PLS3: variants seen among roughly 807,000 people sequenced by gnomAD.
PLS3 encodes plastin 3, also known as plastin-3.
Under a neutral mutation model 46.5 loss-of-function variants are expected in PLS3, and 11 were observed. That is an observed-to-expected ratio of 0.24 (90% CI 0.15 to 0.39). The LOEUF is 0.39. PLS3 is among the 10% of genes least tolerant of loss of function. The probability of loss-of-function intolerance (pLI) is 1.00; values close to 1 mark genes in which losing one functional copy is unlikely to be tolerated. For synonymous variants in PLS3, 167 were observed against 162.2 expected (o/e 1.03, Z -0.22); for missense variants, 308 against 461.8 (o/e 0.67, Z 3.05).
intron 1 of PLS3, among the ~76,000 whole-genome samples, chrX:115,583,997 C>T (rs1228887249): frequency 9.0e-6 from 1 of 111,144 alleles, no homozygotes; most frequent in Non-Finnish European, 1.9e-5. Context: ...TTTAGAAATT[C>T]GTTTCAATTA....
At position 115,590,093 on chromosome X, in the gene PLS3, T is replaced by A. The variant is rs142398330; in HGVS notation, c.-8-20150T>A. 8.5e-3 allele frequency among the ~76,000 whole-genome samples: 942 copies of A among 111,449 alleles called. 4 individuals carry two copies. Among genetic ancestry groups the A allele is most frequent in the South Asian group, 0.036 (94 of 2,584 alleles). On this transcript the variant is annotated intron_variant, in intron 1 of 15. Coordinates refer to ENST00000355899, the MANE Select transcript of PLS3 (RefSeq NM_005032.7). ...CTTGTCTGGAACTCCTGACCTCAGG[T>A]GATCCGCCCACCTCAGCCTCGCAAA...
At chrX:115,567,622 CAAAA>C (rs200775900) in intron 1 of PLS3, among the ~76,000 whole-genome samples, 3 of 100,434 alleles carry the variant, frequency 3.0e-5, no homozygotes, top group African/African-American at 7.2e-5. Context: ...AACAAACAAA[CAAAA>C]AAAAACAGAA....
At chrX:115,642,387 A>C (rs1187113848) in intron 9 of PLS3, among the ~76,000 whole-genome samples, 1 of 111,391 alleles carries the variant, frequency 9.0e-6, no homozygotes, top group Non-Finnish European at 1.9e-5. Context: ...GCTTCTCTTC[A>C]ATTCAAGCAA....
chrX:115,634,170 C>T, intron 6 of PLS3, 89 bp downstream of exon 6: 1 of 511,383 alleles, frequency 2.0e-6, no homozygotes, highest in Non-Finnish European at 3.4e-6. Flanking sequence ...TGTAGGCTCC[C>T]AATCAATCCT....
intron 11 of PLS3, 23 bp downstream of exon 11, chrX:115,645,122 TA>T: frequency 1.1e-6 from 1 of 945,663 alleles, no homozygotes; most frequent in Non-Finnish European, 1.5e-6. Context: ...ACTGCTATTG[TA>T]AACAGTTACG....
At chrX:115,628,176 C>T (rs1457870739) in intron 3 of PLS3, among the ~76,000 whole-genome samples, 1 of 112,261 alleles carries the variant, frequency 8.9e-6, no homozygotes, top group South Asian at 3.7e-4. Context: ...TGCTCTGACA[C>T]ATACAACCTG....
At chrX:115,615,628 G>T (rs184271791) in intron 2 of PLS3, among the ~76,000 whole-genome samples, 2 of 109,647 alleles carry the variant, frequency 1.8e-5, no homozygotes, top group Non-Finnish European at 1.9e-5. Flanking sequence ...TGGGAGCTGC[G>T]TAGTGATTTT....
intron 1 of PLS3, among the ~76,000 whole-genome samples, chrX:115,606,936 T>C (rs992027342): frequency 1.8e-5 from 2 of 111,017 alleles, no homozygotes; most frequent in African/African-American, 3.3e-5. Flanking sequence ...ATTGCAGTTC[T>C]TTTTATTCTT....
chrX:115,600,759 G>C (rs1286159396), intron 1 of PLS3, among the ~76,000 whole-genome samples: 2 of 111,511 alleles, frequency 1.8e-5, no homozygotes, highest in East Asian at 5.7e-4. Flanking sequence ...AAATTTTGTG[G>C]CAAGATTCTA....
At chrX:115,627,208 T>G (rs1283372906) in intron 3 of PLS3, among the ~76,000 whole-genome samples, 2 of 112,160 alleles carry the variant, frequency 1.8e-5, no homozygotes, top group Admixed American at 9.5e-5. Context: ...TTTTTAAATA[T>G]GAATTAATCC....
chrX:115,567,709 C>CTTTTTTT (rs782653479), intron 1 of PLS3, among the ~76,000 whole-genome samples: 7 of 81,941 alleles, frequency 8.5e-5, no homozygotes, highest in Non-Finnish European at 1.1e-4. Context: ...TTTTCTTCTT[C>CTTTTTTT]TTTTTTTTTT....
At chrX:115,598,134 C>T (rs2074407081) in intron 1 of PLS3, among the ~76,000 whole-genome samples, 1 of 109,152 alleles carries the variant, frequency 9.2e-6, no homozygotes, top group South Asian at 4.1e-4. Flanking sequence ...AACCCCATCT[C>T]TCCAAAAAAT....
At chrX:115,615,487 CAGAGAGAGAGAGAGAGAG>C (rs72382307) in intron 2 of PLS3, among the ~76,000 whole-genome samples, 6 of 73,763 alleles carry the variant, frequency 8.1e-5, no homozygotes, top group African/African-American at 1.0e-4. Flanking sequence ...CACGTGTCAT[CAGAGAGAGAGAGAGAGAG>C]AGAGAGAGAG....
At chrX:115,584,977 GA>G (rs1178335658) in intron 1 of PLS3, among the ~76,000 whole-genome samples, 39 of 111,517 alleles carry the variant, frequency 3.5e-4, no homozygotes, top group African/African-American at 1.3e-3. Context: ...GGAAACCAGG[GA>G]AAGTCTCATT....
chrX:115,565,574 A>C (rs1281678684), intron 1 of PLS3, among the ~76,000 whole-genome samples: 1 of 111,940 alleles, frequency 8.9e-6, no homozygotes, highest in Non-Finnish European at 1.9e-5. Flanking sequence ...TTGTTTATAA[A>C]AAGAGAGGAT....
chrX:115,574,803 T>C (rs1464168689), intron 1 of PLS3, among the ~76,000 whole-genome samples: 1 of 112,257 alleles, frequency 8.9e-6, no homozygotes, highest in Non-Finnish European at 1.9e-5. Context: ...GGTCTCAGAC[T>C]CCCGACCTCA....
chrX:115,580,591 T>C (rs2074274503), intron 1 of PLS3, among the ~76,000 whole-genome samples: 1 of 112,009 alleles, frequency 8.9e-6, no homozygotes, highest in Admixed American at 9.6e-5. Context: ...TAATGCCAGG[T>C]GGAGTCTATT....
intron 2 of PLS3, among the ~76,000 whole-genome samples, chrX:115,619,520 T>G (rs782776613): frequency 8.9e-5 from 10 of 112,508 alleles, no homozygotes; most frequent in African/African-American, 3.2e-4. Flanking sequence ...CTGCAGACAT[T>G]ATTGATGGAT....
At chrX:115,644,974 C>T (rs782571804) in intron 10 of PLS3, 47 bp from the exon 11 acceptor site, 1 of 783,527 alleles carries the variant, frequency 1.3e-6, no homozygotes, top group East Asian at 3.1e-5. Flanking sequence ...TATGCACATA[C>T]ATAAAGTGTT....
Sources: allele counts gnomAD v4.1 joint callset (sites outside exome capture counted in the v4.1 genomes callset), GRCh38; gene constraint gnomAD v4.1.1; transcripts MANE v1.5; gene names NCBI Gene and HGNC (gene_info 2026-07-23, HGNC 2026-07-21).